Variants in CREBRF observed in about 807,000 individuals in gnomAD.
The protein encoded by CREBRF is UPF0474 protein C5orf41.
In CREBRF, 5 loss-of-function variants were observed where a neutral mutation model predicts 66.1. The ratio of observed to expected loss-of-function variants is 0.08; its 90% CI spans 0.04 to 0.16. The LOEUF (loss-of-function observed/expected upper bound fraction) is 0.16. Among genes scored for constraint, CREBRF ranks in the 10% least tolerant of loss-of-function variants. The probability of loss-of-function intolerance (pLI) is 1.00; values close to 1 mark genes in which losing one functional copy is unlikely to be tolerated. For missense variants in CREBRF, 531 were observed against 744.9 expected (o/e 0.71, Z 3.34); for synonymous variants, 229 against 264.4 (o/e 0.87, Z 1.30).
At chr5:173,097,887 A>T (rs1485403685) in intron 4 of CREBRF, among the ~76,000 whole-genome samples, 1 of 150,890 alleles carries the variant, frequency 6.6e-6, no homozygotes, top group Non-Finnish European at 1.5e-5. Context: ...TTCTGCTCTG[A>T]TCTTTGTTAT....
intron 8 of CREBRF, among the ~76,000 whole-genome samples, chr5:173,128,844 G>A (rs1284845137): frequency 6.6e-6 from 1 of 151,694 alleles, no homozygotes; most frequent in Admixed American, 6.6e-5. Context: ...GCAGTGGCTC[G>A]ATCTCGGCTC....
chr5:173,059,505 C>G (rs1033752986), intron 1 of CREBRF, among the ~76,000 whole-genome samples: 3 of 151,804 alleles, frequency 2.0e-5, no homozygotes, highest in Non-Finnish European at 4.4e-5. Context: ...CTAAGGTGAT[C>G]TGCCTGCCTT....
intron 4 of CREBRF, among the ~76,000 whole-genome samples, chr5:173,094,806 T>A (rs1400394050): frequency 6.6e-6 from 1 of 152,192 alleles, no homozygotes; most frequent in Non-Finnish European, 1.5e-5. Context: ...TTGTTTTATT[T>A]TTGCTTTTGT....
chr5:173,122,967 A>G (rs1303270444), intron 7 of CREBRF, 113 bp from the exon 8 acceptor site: 5 of 952,200 alleles, frequency 5.3e-6, no homozygotes, highest in East Asian at 2.7e-5. Context: ...CATGGTGTAT[A>G]TGTGCCACAT....
intron 8 of CREBRF, among the ~76,000 whole-genome samples, chr5:173,131,083 G>GCCT (rs1759413469): frequency 6.6e-6 from 1 of 152,090 alleles, no homozygotes; most frequent in Non-Finnish European, 1.5e-5. Context: ...TGATCCTTCC[G>GCCT]CCTCAGCTTC....
rs1561811789 is a variant in CREBRF at position 173,110,033 on chromosome 5, G to A, written c.1418-489G>A. The A allele has an allele frequency of 3.3e-5, 7 of 211,282 alleles. No homozygotes were observed. In the South Asian group the frequency reaches 5.4e-4, roughly 16 times the overall value. The allele number at this position is 211,282 out of a possible 1,614,324, so 13.1% of individuals were successfully genotyped here. On this transcript the variant is annotated intron_variant, in intron 5 of 8. Coordinates refer to ENST00000296953, the MANE Select transcript of CREBRF (RefSeq NM_153607.3). The stretch of plus-strand genomic sequence containing the variant: ...AACAAAAGAAGAGCTTTTAAACAAG[G>A]TTATGCTTACTTGTTGGATTTTCAA...
intron 4 of CREBRF, among the ~76,000 whole-genome samples, chr5:173,103,922 T>C (rs1015069993): frequency 1.3e-5 from 2 of 152,206 alleles, no homozygotes; most frequent in Non-Finnish European, 1.5e-5. Context: ...TCATGTCAGA[T>C]AGCAATGAGT....
chr5:173,091,469 G>T, intron 4 of CREBRF, 68 bp downstream of exon 4: 2 of 1,542,948 alleles, frequency 1.3e-6, no homozygotes, highest in Non-Finnish European at 1.7e-6. Flanking sequence ...AAAGGTTTTT[G>T]TTTCTGTTTT....
At chr5:173,086,243 A>T (rs532476534) in intron 2 of CREBRF, 1 of 724,826 alleles carries the variant, frequency 1.4e-6, no homozygotes, top group Non-Finnish European at 2.6e-6. Context: ...AAATATTTCA[A>T]ATCTGATGTT....
At chr5:173,110,306 G>T in intron 5 of CREBRF, 1 of 649,350 alleles carries the variant, frequency 1.5e-6, no homozygotes. Context: ...TTAGAACTCT[G>T]CCATATCACC....
chr5:173,091,905 C>T (rs1026257753), intron 4 of CREBRF: 4 of 406,112 alleles, frequency 9.8e-6, no homozygotes, highest in Non-Finnish European at 1.3e-5. Context: ...GCCAACACAG[C>T]GAAACCCTGT....
At chr5:173,114,553 A>G (rs1758939277) in intron 7 of CREBRF, among the ~76,000 whole-genome samples, 1 of 152,228 alleles carries the variant, frequency 6.6e-6, no homozygotes, top group African/African-American at 2.4e-5. Context: ...AAAATTTGAG[A>G]AGGGCATAAT....
chr5:173,062,889 A>G (rs982885858), intron 1 of CREBRF, among the ~76,000 whole-genome samples: 1 of 150,644 alleles, frequency 6.6e-6, no homozygotes, highest in East Asian at 1.9e-4. Flanking sequence ...CTGGGACTAC[A>G]GGCGCCCGCC....
At chr5:173,096,191 G>C (rs1282848770) in intron 4 of CREBRF, among the ~76,000 whole-genome samples, 2 of 151,986 alleles carry the variant, frequency 1.3e-5, no homozygotes, top group African/African-American at 2.4e-5. Context: ...GGATGGTCTC[G>C]ATCTCCTAAC....
intron 3 of CREBRF, among the ~76,000 whole-genome samples, chr5:173,089,640 G>A (rs1301043875): frequency 6.7e-6 from 1 of 148,686 alleles, no homozygotes; most frequent in African/African-American, 2.5e-5. Context: ...TGGTCAACAT[G>A]GTAAAGCCCT....
intron 1 of CREBRF, chr5:173,068,247 C>A (rs1022779529): frequency 3.0e-6 from 1 of 332,548 alleles, no homozygotes; most frequent in Non-Finnish European, 6.1e-6. Flanking sequence ...CTATGTACTT[C>A]TCCTTCTCTG....
At chr5:173,117,485 T>A (rs944156761) in intron 7 of CREBRF, among the ~76,000 whole-genome samples, 7 of 150,826 alleles carry the variant, frequency 4.6e-5, no homozygotes, top group Non-Finnish European at 1.0e-4. Flanking sequence ...TTTCCTTTCC[T>A]TTTCCTTTTT....
Position 173,099,956 on chromosome 5 carries a change from T to TCTTGGCTCACTGCAAC in CREBRF, c.1222+8574_1222+8589dup, listed in dbSNP as rs1057088866. On this transcript the variant is annotated intron_variant, in intron 4 of 8. Transcript: ENST00000296953. Reference sequence around the variant, plus strand: ...TCCAGGCTGGAGTGCAGTGGCACAGTCTTGGCTCACTGCAACCTTGGCTCA... The same window carrying TCTTGGCTCACTGCAAC: ...TCCAGGCTGGAGTGCAGTGGCACAGTCTTGGCTCACTGCAACCTTGGCTCACTGCAACCTTGGCTCA... 3.6e-3 allele frequency among the ~76,000 whole-genome samples: 530 copies of TCTTGGCTCACTGCAAC among 146,882 alleles called. 2 individuals are homozygous for TCTTGGCTCACTGCAAC. The highest frequency in any genetic ancestry group is 0.013 in the African/African-American group (506 of 39,814).
chr5:173,080,866 A>G, intron 2 of CREBRF, 82 bp downstream of exon 2: 1 of 1,359,916 alleles, frequency 7.4e-7, no homozygotes, highest in South Asian at 1.2e-5. Flanking sequence ...ATGAATCTTA[A>G]CACAACTTTG....
Sources: gnomAD v4.1 joint callset for allele counts (sites outside exome capture counted in the v4.1 genomes callset) on GRCh38, gnomAD v4.1.1 for gene constraint, MANE v1.5 for transcripts, NCBI Gene and HGNC (gene_info 2026-07-23, HGNC 2026-07-21) for gene names.